The following DDR2 variants were observed in gnomAD, a reference collection of about 807,000 sequenced individuals.
DDR2 encodes the protein discoidin domain-containing receptor 2.
A neutral mutation model predicts 94.9 loss-of-function variants in DDR2; 27 were observed. That is an observed-to-expected ratio of 0.28 (90% confidence interval 0.21 to 0.39). The LOEUF is 0.39. DDR2 is among the 10% of genes least tolerant of loss of function. The pLI is 1.00. For synonymous variants in DDR2, 382 were observed against 377.2 expected (o/e 1.01, Z -0.15); for missense variants, 783 against 1,076.0 (o/e 0.73, Z 3.81).
In DDR2 at chr1:162,753,181, G is replaced by T; in HGVS notation, c.169G>T (p.Ala57Ser). The T allele has an allele frequency of 6.2e-7, 1 of 1,613,476 alleles. No individual in the cohort carries two copies. Among genetic ancestry groups the T allele is most frequent in the Non-Finnish European group, 8.5e-7 (1 of 1,179,592 alleles). The change falls in exon 4 of 18, where the codon GCT becomes TCT. Residue 57 changes from alanine to serine, a missense_variant. By Grantham distance (99) the Ala-to-Ser change is moderately conservative (BLOSUM62 1). Around this residue, in one of 2 missense-constraint regions of DDR2, gnomAD observed 519 missense variants for 647.9 expected, o/e 0.80. Transcript: ENST00000367921. ...TASSQWSEST[A>S]AKYGRLDSEE... is the part of the protein sequence containing the mutation. ...TTCCAGTCAGTGGTCAGAGTCCACA[G>T]CTGCCAAATATGGAAGGTGAGGATG...
chr1:162,648,408 G>A (rs1657520630), intron 1 of DDR2, among the ~76,000 whole-genome samples: 1 of 152,140 alleles, frequency 6.6e-6, no homozygotes, highest in Admixed American at 6.5e-5. Flanking sequence ...GCCTTGGGGA[G>A]CATGGGGAAA....
chr1:162,739,810 T>C (rs934102329), intron 3 of DDR2, among the ~76,000 whole-genome samples: 2 of 152,212 alleles, frequency 1.3e-5, no homozygotes, highest in Non-Finnish European at 2.9e-5. Flanking sequence ...CTTATTATGA[T>C]AGTAAAATAT....
At chr1:162,730,058 C>CTTAAA (rs1661953788) in intron 3 of DDR2, among the ~76,000 whole-genome samples, 5 of 64,168 alleles carry the variant, frequency 7.8e-5, no homozygotes, top group Admixed American at 1.8e-4. Context: ...TTTTTTTTTG[C>CTTAAA]AAAAAAAAAA....
intron 3 of DDR2, chr1:162,741,461 G>A (rs1445178814): frequency 2.4e-6 from 1 of 408,948 alleles, no homozygotes; most frequent in Non-Finnish European, 3.3e-6. Context: ...TACTCAACCT[G>A]TATATATTTT....
chr1:162,780,370 T>C lies in DDR2; in HGVS notation c.*124T>C, dbSNP rs1410656675. The C allele has an allele frequency of 1.4e-6, 2 of 1,468,826 alleles. No individual in the cohort carries two copies. Among genetic ancestry groups the C allele is most frequent in the African/African-American group, 2.8e-5 (2 of 71,286 alleles). The allele number at this position is 1,468,826 out of a possible 1,614,324, so 91.0% of individuals were successfully genotyped here. A position where few individuals can be genotyped will look rare whatever the true frequency, so the allele number is the denominator to read the frequency against. ...ACTGAGAGACAGAGGCTTGTTTGCT[T>C]TGCCCTCTTTTCCTGGTCACCCCCA... On this transcript the variant is annotated 3_prime_UTR_variant, in exon 18 of 18. Coordinates refer to ENST00000367921, the MANE Select transcript of DDR2 (RefSeq NM_006182.4).
At chr1:162,672,280 A>G (rs183912107) in intron 2 of DDR2, among the ~76,000 whole-genome samples, 8 of 152,268 alleles carry the variant, frequency 5.3e-5, no homozygotes, top group Admixed American at 5.2e-4. Context: ...AAATGAGTCA[A>G]CATGTAAGTA....
At chr1:162,656,833 G>GTTTTGTTTTTTTTTT (rs1558008740) in intron 2 of DDR2, among the ~76,000 whole-genome samples, 53 of 65,680 alleles carry the variant, frequency 8.1e-4, no homozygotes, top group Non-Finnish European at 1.4e-3. Context: ...TGCCACTGGA[G>GTTTTGTTTTTTTTTT]TTTTTTTTTT....
chr1:162,668,885 A>G (rs951917891), intron 2 of DDR2, among the ~76,000 whole-genome samples: 2 of 152,330 alleles, frequency 1.3e-5, no homozygotes, highest in East Asian at 1.9e-4. Flanking sequence ...CTAGGACACA[A>G]TTCAACCCAC....
At chr1:162,758,445 T>C (rs1343153023) in intron 7 of DDR2, among the ~76,000 whole-genome samples, 1 of 152,234 alleles carries the variant, frequency 6.6e-6, no homozygotes, top group African/African-American at 2.4e-5. Context: ...GATTTAATTT[T>C]GACCAAGGGG....
chr1:162,724,803 C>T (rs1039871), intron 3 of DDR2, among the ~76,000 whole-genome samples: 111,618 of 151,944 alleles, frequency 0.73, 42,086 homozygotes, highest in Non-Finnish European at 0.82. Context: ...GTGTGTTAGA[C>T]AGCCTGAACA....
At chr1:162,722,895 C>A (rs1434512740) in intron 3 of DDR2, among the ~76,000 whole-genome samples, 2 of 152,132 alleles carry the variant, frequency 1.3e-5, no homozygotes, top group African/African-American at 4.8e-5. Flanking sequence ...GAAGTATAGC[C>A]CCTGAAGTTG....
chr1:162,745,518 A>G (rs1225733064), intron 3 of DDR2, among the ~76,000 whole-genome samples: 1 of 152,048 alleles, frequency 6.6e-6, no homozygotes, highest in Non-Finnish European at 1.5e-5. Flanking sequence ...GTATGATAAT[A>G]GTTTAATTTT....
chr1:162,745,461 T>G (rs543532169), intron 3 of DDR2, among the ~76,000 whole-genome samples: 1 of 152,330 alleles, frequency 6.6e-6, no homozygotes, highest in East Asian at 1.9e-4. Context: ...CTTTTAGATA[T>G]CATGTTTAAA....
rs950584457 is a variant in DDR2, at chr1:162,708,561, C to T, written c.-27-10476C>T. ...CTCACTCACGGTATTGATCAAGCAG[C>T]GTAATCACATCACTGCCCCCACAGA... On this transcript the variant is annotated intron_variant, in intron 2 of 17. Transcript: ENST00000367921. 3.0e-4 allele frequency among the ~76,000 whole-genome samples: 46 copies of T among 152,134 alleles called. No individual in the cohort carries two copies. The South Asian group carries it at 3.1e-3, about 10-fold the overall frequency.
intron 3 of DDR2, among the ~76,000 whole-genome samples, chr1:162,727,373 T>C (rs1176088628): frequency 6.9e-6 from 1 of 144,184 alleles, no homozygotes; most frequent in Non-Finnish European, 1.5e-5. Context: ...TGTATGTATT[T>C]ATATATAGAT....
At chr1:162,656,470 C>T (rs2101910772) in intron 2 of DDR2, among the ~76,000 whole-genome samples, 1 of 152,260 alleles carries the variant, frequency 6.6e-6, no homozygotes, top group East Asian at 1.9e-4. Flanking sequence ...CCTCGCTGCT[C>T]TTTAGCTTCC....
chr1:162,767,568 G>A (rs1187816365), intron 11 of DDR2, among the ~76,000 whole-genome samples: 4 of 152,048 alleles, frequency 2.6e-5, no homozygotes, highest in South Asian at 2.1e-4. Context: ...CCTTCCTAAC[G>A]TTCCTCGGAA....
intron 3 of DDR2, among the ~76,000 whole-genome samples, chr1:162,737,979 G>C (rs543536469): frequency 3.2e-4 from 48 of 152,128 alleles, no homozygotes; most frequent in African/African-American, 1.1e-3. Flanking sequence ...GTCCGTTCAT[G>C]ACAAACCCAC....
At chr1:162,714,012 T>A (rs762270789) in intron 2 of DDR2, among the ~76,000 whole-genome samples, 2 of 152,196 alleles carry the variant, frequency 1.3e-5, no homozygotes, top group African/African-American at 2.4e-5. Flanking sequence ...ATAGGTAAAA[T>A]TGGCATTCAA....
Sources: gnomAD v4.1 joint callset for allele counts (sites outside exome capture counted in the v4.1 genomes callset) on GRCh38, gnomAD v4.1.1 for gene constraint, gnomAD v4.1.1 regional missense constraint, MANE v1.5 for transcripts, NCBI Gene and HGNC (gene_info 2026-07-23, HGNC 2026-07-21) for gene names.